PPP2R3B: variants seen among roughly 807,000 people sequenced by gnomAD.
PPP2R3B encodes the protein serine/threonine-protein phosphatase 2A regulatory subunit B'' subunit beta.
PPP2R3B carries 68 observed loss-of-function variants against 72.9 expected under a neutral mutation model. That is an observed-to-expected ratio of 0.93 (90% CI 0.77 to 1.14). PPP2R3B has a LOEUF of 1.14. PPP2R3B is among the 50% of genes most tolerant of loss of function. PPP2R3B has a pLI of 0.00. For synonymous variants in PPP2R3B, 466 were observed against 375.8 expected, an observed-to-expected ratio of 1.24 and a Z score of -2.78; for missense variants, 1,018 against 842.0, an observed-to-expected ratio of 1.21 and a Z score of -2.59.
chrX:347,470 C>G (rs772510116), intron 3 of PPP2R3B, 120 bp downstream of exon 3: 1 of 1,345,390 alleles, frequency 7.4e-7, no homozygotes. Flanking sequence ...CAGGCCTGTG[C>G]CCGTACAAGG....
Position 341,778 on chromosome X carries a change from ACTCGCTGTCG to A in PPP2R3B, c.1085+95_1085+104del. 5.6e-6 allele frequency: 7 copies of A among 1,251,744 alleles called. No homozygotes were observed. The Admixed American group carries it at 1.0e-4, about 18-fold the overall frequency. 77.5% of individuals were successfully genotyped at this position (1,251,744 alleles called of 1,614,324 possible). ...CTCGCCAGGGCCTGGGGTGACAACC[ACTCGCTGTCG>A]GGGCACAAAAAGCTCACGTCAGGCA... On this transcript the variant is annotated intron_variant, in intron 8 of 12. Transcript: ENST00000390665.
At chrX:360,932 A>G (rs2071524763) in intron 2 of PPP2R3B, among the ~76,000 whole-genome samples, 2 of 152,128 alleles carry the variant, frequency 1.3e-5, no homozygotes, top group Non-Finnish European at 2.9e-5. Context: ...CGCAGCACTC[A>G]GGGTGAGTCT....
rs775693944 is a variant in PPP2R3B, at chrX:361,288, C to T, written c.510+117G>A. The T allele has an allele frequency of 7.1e-5, 84 of 1,179,808 alleles. 1 individual carries two copies. In the South Asian group the frequency reaches 7.9e-4, roughly 11 times the overall value. The allele number at this position is 1,179,808 out of a possible 1,614,324, so 73.1% of individuals were successfully genotyped here. A position where few individuals can be genotyped will look rare whatever the true frequency, so the allele number is the denominator to read the frequency against. Reference sequence around the variant, plus strand: ...GCACACGTGTGAAACGCACCCTCCTCGGCCGTGCCGCCTCACTCACGCTCG... The same window carrying T: ...GCACACGTGTGAAACGCACCCTCCTTGGCCGTGCCGCCTCACTCACGCTCG... On this transcript the variant is annotated intron_variant, in intron 2 of 12. Transcript: ENST00000390665.
intron 2 of PPP2R3B, among the ~76,000 whole-genome samples, chrX:357,368 C>CA (rs1181461565): frequency 6.6e-6 from 1 of 151,708 alleles, no homozygotes; most frequent in East Asian, 1.9e-4. Flanking sequence ...GCTGGCCAAA[C>CA]AAAAAACTAT....
intron 1 of PPP2R3B, among the ~76,000 whole-genome samples, chrX:368,853 G>A (rs1021537642): frequency 3.2e-4 from 42 of 131,712 alleles, no homozygotes; most frequent in Non-Finnish European, 6.0e-4. Flanking sequence ...CTTGGGCACC[G>A]ACCGGGGGAA....
chrX:353,791 C>T (rs1219577265), intron 2 of PPP2R3B, among the ~76,000 whole-genome samples: 1 of 151,250 alleles, frequency 6.6e-6, no homozygotes, highest in Non-Finnish European at 1.5e-5. Flanking sequence ...CCGGGGCTCA[C>T]CCAAAGACTG....
chrX:351,248 C>T lies in PPP2R3B; in HGVS notation c.511-3555G>A, dbSNP rs183862969. ...GGCGTCCCGGTGCGGTGGGAGGGAA[C>T]GAGCCGGGTGCAGCACCGGGTCCTT... is the stretch of plus-strand genomic sequence containing the variant. On this transcript the variant is annotated intron_variant, in intron 2 of 12. Coordinates refer to ENST00000390665, the MANE Select transcript of PPP2R3B (RefSeq NM_013239.5). Among the ~76,000 whole-genome samples, 15 of 152,230 alleles carry T rather than the reference C, an allele frequency of 9.9e-5. No homozygotes were observed. In the East Asian group the frequency reaches 2.7e-3, roughly 28 times the overall value.
chrX:367,606 G>A (rs778435516), intron 1 of PPP2R3B, among the ~76,000 whole-genome samples: 162 of 152,266 alleles, frequency 1.1e-3, no homozygotes, highest in East Asian at 1.7e-3. Flanking sequence ...AGTAGGAAGC[G>A]TGTACTCCAA....
At chrX:349,169 G>GT (rs2071279887) in intron 2 of PPP2R3B, among the ~76,000 whole-genome samples, 1 of 152,174 alleles carries the variant, frequency 6.6e-6, no homozygotes, top group African/African-American at 2.4e-5. Flanking sequence ...AGGCGATGGT[G>GT]TTGGGAGGTG....
At chrX:385,265 C>T (rs1475344915) in intron 1 of PPP2R3B, among the ~76,000 whole-genome samples, 2 of 151,042 alleles carry the variant, frequency 1.3e-5, no homozygotes, top group African/African-American at 4.9e-5. Flanking sequence ...CCAACCCACT[C>T]AGCATAAATT....
At chrX:361,043 A>G (rs2071527056) in intron 2 of PPP2R3B, among the ~76,000 whole-genome samples, 1 of 152,214 alleles carries the variant, frequency 6.6e-6, no homozygotes, top group Non-Finnish European at 1.5e-5. Flanking sequence ...AGGAGGGTGC[A>G]GAACGGCCTC....
intron 1 of PPP2R3B, among the ~76,000 whole-genome samples, chrX:363,306 C>T (rs769034631): frequency 2.5e-4 from 32 of 127,744 alleles, no homozygotes; most frequent in Non-Finnish European, 3.7e-4. Flanking sequence ...TGCATCTCCC[C>T]GAGCCCACCA....
chrX:355,654 C>T (rs1207670790), intron 2 of PPP2R3B, among the ~76,000 whole-genome samples: 4 of 152,156 alleles, frequency 2.6e-5, no homozygotes, highest in Admixed American at 6.5e-5. Flanking sequence ...CAAACGTCTC[C>T]GAGTTCTGTG....
chrX:361,304 CTCACG>C, intron 2 of PPP2R3B, 96 bp downstream of exon 2: 1 of 1,267,038 alleles, frequency 7.9e-7, no homozygotes, highest in Non-Finnish European at 1.1e-6. Context: ...TGCCGCCTCA[CTCACG>C]CTCGTGTGAC....
Position 334,645 on chromosome X carries a change from TCCAGCCGCTGAG to T in PPP2R3B, c.1578-140_1578-129del, listed in dbSNP as rs2070840454. ...ACAGTCCCCTGAGCCGACCTTGAGC[TCCAGCCGCTGAG>T]CCAGCAACGCGCTCCTGGCTGAGGA... is the stretch of plus-strand genomic sequence containing the variant. On this transcript the variant is annotated intron_variant, in intron 12 of 12. Transcript: ENST00000390665. 6 of 1,110,078 alleles carry T rather than the reference TCCAGCCGCTGAG, an allele frequency of 5.4e-6. No individual in the cohort carries two copies. The South Asian group carries it at 1.3e-4, about 24-fold the overall frequency. The allele number at this position is 1,110,078 out of a possible 1,614,324, so 68.8% of individuals were successfully genotyped here. A position where few individuals can be genotyped will look rare whatever the true frequency, so the allele number is the denominator to read the frequency against.
chrX:350,665 GAC>G (rs1204665209), intron 2 of PPP2R3B, among the ~76,000 whole-genome samples: 2 of 152,240 alleles, frequency 1.3e-5, no homozygotes, highest in South Asian at 2.1e-4. Flanking sequence ...ACAAGAACAT[GAC>G]ACGCGCGGCT....
chrX:386,722 C>A lies in PPP2R3B; in HGVS notation c.-31G>T, dbSNP rs1569423200. 4.9e-6 allele frequency: 6 copies of A among 1,215,258 alleles called. No homozygotes were observed. The highest frequency in any genetic ancestry group is 6.1e-6 in the Non-Finnish European group (6 of 980,762). The allele number at this position is 1,215,258 out of a possible 1,614,324, so 75.3% of individuals were successfully genotyped here. On this transcript the variant is annotated 5_prime_UTR_variant, in exon 1 of 13. Coordinates refer to ENST00000390665, the MANE Select transcript of PPP2R3B (RefSeq NM_013239.5). Reference sequence around the variant, plus strand: ...GGGCTGGGCCCGCGGCGCCCCCGGACGCCCGCGCCCCGCCCCGCCCCGGGG... The same window carrying A: ...GGGCTGGGCCCGCGGCGCCCCCGGAAGCCCGCGCCCCGCCCCGCCCCGGGG...
rs1466865377 is a variant in PPP2R3B at position 386,480 on chromosome X, A to T, written c.212T>A (p.Leu71His). The T allele has an allele frequency of 7.8e-7, 1 of 1,279,960 alleles. No homozygotes were observed. The allele number at this position is 1,279,960 out of a possible 1,614,324, so 79.3% of individuals were successfully genotyped here. A position where few individuals can be genotyped will look rare whatever the true frequency, so the allele number is the denominator to read the frequency against. The change falls in exon 1 of 13, where the codon CTC (leucine) becomes CAC (histidine). Residue 71 changes from leucine (L) to histidine (H), a missense_variant. Coordinates refer to ENST00000390665, the MANE Select transcript of PPP2R3B (RefSeq NM_013239.5). ...APLAAPRPSGLEPPGTPGPGP... is the reference protein window; with the variant it reads ...APLAAPRPSGHEPPGTPGPGP... Reference sequence around the variant, plus strand: ...CGGCCCGGGGGTTCCCGGGGGTTCGAGCCCGCTGGGCCGGGGGGCGGCGAG... The same window carrying T: ...CGGCCCGGGGGTTCCCGGGGGTTCGTGCCCGCTGGGCCGGGGGGCGGCGAG...
chrX:351,383 G>C (rs181650256), intron 2 of PPP2R3B, among the ~76,000 whole-genome samples: 31 of 152,144 alleles, frequency 2.0e-4, no homozygotes, highest in Admixed American at 4.6e-4. Context: ...GGATGTGTGA[G>C]CCTTCACATC....
Sources: allele counts gnomAD v4.1 joint callset (sites outside exome capture counted in the v4.1 genomes callset), GRCh38; gene constraint gnomAD v4.1.1; transcripts MANE v1.5; gene names NCBI Gene and HGNC (gene_info 2026-07-23, HGNC 2026-07-21).